The following SMIM10L3 variants were observed in gnomAD, a reference collection of about 807,000 sequenced individuals.
The protein encoded by SMIM10L3 is small integral membrane protein 10 like 3.
chr7:6,343,019 A>G, the SMIM10L3 span, among the ~76,000 whole-genome samples: 2 of 149,204 alleles, frequency 1.3e-5, no homozygotes, highest in Non-Finnish European at 3.0e-5. Context: ...CCTGGATGAC[A>G]GAGGAAGACG....
At chr7:6,339,155 C>T in the SMIM10L3 span, among the ~76,000 whole-genome samples, 75 of 152,300 alleles carry the variant, frequency 4.9e-4, 1 homozygote, top group African/African-American at 1.8e-3. Flanking sequence ...TCCTGCTACT[C>T]GCCACTTGGC....
At chr7:6,348,891 T>G in the SMIM10L3 span, 1 of 387,590 alleles carries the variant, frequency 2.6e-6, no homozygotes, top group Non-Finnish European at 4.6e-6. Flanking sequence ...CGGGCCGCAG[T>G]GGAGCGGAGT....
At chr7:6,332,708 A>G in the SMIM10L3 span, among the ~76,000 whole-genome samples, 1 of 152,116 alleles carries the variant, frequency 6.6e-6, no homozygotes, top group Non-Finnish European at 1.5e-5. Flanking sequence ...TCAAAAAATA[A>G]AAATTAAAAT....
chr7:6,341,550 T>G, the SMIM10L3 span, among the ~76,000 whole-genome samples: 8 of 145,828 alleles, frequency 5.5e-5, no homozygotes, highest in Admixed American at 5.5e-4. Flanking sequence ...ATTAGCCAGG[T>G]GTAGTGGTGG....
the SMIM10L3 span, among the ~76,000 whole-genome samples, chr7:6,333,538 T>C: frequency 2.0e-5 from 3 of 152,104 alleles, no homozygotes; most frequent in Admixed American, 1.3e-4. Flanking sequence ...TCACTCTGCC[T>C]CCCAGGCTGG....
chr7:6,332,528 C>T, the SMIM10L3 span, among the ~76,000 whole-genome samples: 1 of 152,058 alleles, frequency 6.6e-6, no homozygotes, highest in Admixed American at 6.6e-5. Flanking sequence ...AAAAACACCA[C>T]CACCCTCAGC....
At chr7:6,348,454 G>GC in the SMIM10L3 span, 18 of 397,640 alleles carry the variant, frequency 4.5e-5, no homozygotes, top group Non-Finnish European at 7.5e-5. Flanking sequence ...ACGGGAAAAT[G>GC]CACGGTGCTT....
the SMIM10L3 span, among the ~76,000 whole-genome samples, chr7:6,333,146 A>G: frequency 1.3e-5 from 2 of 148,722 alleles, no homozygotes; most frequent in East Asian, 4.0e-4. Flanking sequence ...ACAGAGCAAG[A>G]CTCCATCCCA....
At chr7:6,343,404 ATATATATATATATATATAT>A in the SMIM10L3 span, among the ~76,000 whole-genome samples, 1 of 11,134 alleles carries the variant, frequency 9.0e-5, no homozygotes, top group Non-Finnish European at 1.7e-4. Context: ...TTTCATATAT[ATATATATATATATATATAT>A]ATATATATAT....
At chr7:6,343,293 C>T in the SMIM10L3 span, among the ~76,000 whole-genome samples, 8 of 150,784 alleles carry the variant, frequency 5.3e-5, no homozygotes, top group African/African-American at 1.2e-4. Context: ...AGGAGAATCG[C>T]TTGAACCTGG....
the SMIM10L3 span, among the ~76,000 whole-genome samples, chr7:6,335,995 A>G: frequency 6.6e-6 from 1 of 152,084 alleles, no homozygotes; most frequent in Admixed American, 6.6e-5. Context: ...CTACACGGTG[A>G]AACCCCGTCT....
chr7:6,339,507 G>A, the SMIM10L3 span, among the ~76,000 whole-genome samples: 397 of 150,582 alleles, frequency 2.6e-3, no homozygotes, highest in African/African-American at 8.4e-3. Context: ...TTTTTGAGAC[G>A]GAGTCTCGCT....
chr7:6,330,293 G>A, the SMIM10L3 span: 1 of 1,323,418 alleles, frequency 7.6e-7, no homozygotes, highest in Non-Finnish European at 1.0e-6. Flanking sequence ...GGGCTGCACA[G>A]TTTGCATCCA....
the SMIM10L3 span, among the ~76,000 whole-genome samples, chr7:6,346,065 A>G: frequency 1.3e-5 from 2 of 152,076 alleles, no homozygotes; most frequent in Non-Finnish European, 2.9e-5. Flanking sequence ...CACCATGCCC[A>G]GCCAAAGTTT....
chr7:6,337,132 C>T, the SMIM10L3 span, among the ~76,000 whole-genome samples: 38 of 150,836 alleles, frequency 2.5e-4, no homozygotes, highest in African/African-American at 2.9e-4. Flanking sequence ...AGTGCAGTGG[C>T]GCAATCTCAG....
At chr7:6,344,952 G>A in the SMIM10L3 span, among the ~76,000 whole-genome samples, 6 of 152,116 alleles carry the variant, frequency 3.9e-5, no homozygotes, top group Non-Finnish European at 8.8e-5. Flanking sequence ...TGTTGGCCAT[G>A]CTGGTCTCAA....
chr7:6,343,071 G>C, the SMIM10L3 span, among the ~76,000 whole-genome samples: 1 of 149,308 alleles, frequency 6.7e-6, no homozygotes. Flanking sequence ...AAAGAAAGAG[G>C]AAGAGAAAAG....
the SMIM10L3 span, among the ~76,000 whole-genome samples, chr7:6,347,739 T>C: frequency 2.6e-5 from 4 of 151,862 alleles, no homozygotes; most frequent in Admixed American, 2.6e-4. Context: ...TCCAATCCAT[T>C]TTTAGCTTCA....
chr7:6,329,873 G>A, the SMIM10L3 span: 1 of 169,780 alleles, frequency 5.9e-6, no homozygotes, highest in Admixed American at 6.3e-5. Context: ...AAAGGGGTAT[G>A]AGAAGTGAAA....
Sources: gnomAD v4.1 joint callset for allele counts (sites outside exome capture counted in the v4.1 genomes callset) on GRCh38, gnomAD v4.1.1 for gene constraint, MANE v1.5 for transcripts, NCBI Gene and HGNC (gene_info 2026-07-23, HGNC 2026-07-21) for gene names.